The following CACNA2D3 variants were observed in gnomAD, a reference collection of about 807,000 sequenced individuals.
CACNA2D3 encodes voltage-dependent calcium channel subunit alpha-2/delta-3.
Under a neutral mutation model 160.6 loss-of-function variants are expected in CACNA2D3, and 60 were observed. That is an observed-to-expected ratio of 0.37 (90% CI 0.30 to 0.46). The LOEUF (loss-of-function observed/expected upper bound fraction) is 0.46. CACNA2D3 is among the 20% of genes least tolerant of loss of function. The probability of loss-of-function intolerance (pLI) is 1.00; values close to 1 mark genes in which losing one functional copy is unlikely to be tolerated. For synonymous variants in CACNA2D3, 558 were observed against 492.9 expected, an observed-to-expected ratio of 1.13 and a Z score of -1.75; for missense variants, 1,205 against 1,365.0, an observed-to-expected ratio of 0.88 and a Z score of 1.85.
chr3:55,051,446 G>C (rs533395917), intron 35 of CACNA2D3, among the ~76,000 whole-genome samples: 6,328 of 151,744 alleles, frequency 0.042, 360 homozygotes, highest in African/African-American at 0.13. Context: ...CCCACTTGAG[G>C]AGGCAGTCTG....
intron 13 of CACNA2D3, among the ~76,000 whole-genome samples, chr3:54,812,976 T>A (rs1481145947): frequency 6.6e-6 from 1 of 152,226 alleles, no homozygotes. Flanking sequence ...CAGTGACTAT[T>A]TCTGTTATTG....
intron 32 of CACNA2D3, among the ~76,000 whole-genome samples, chr3:55,005,324 G>A (rs1281261426): frequency 6.6e-6 from 1 of 152,066 alleles, no homozygotes; most frequent in East Asian, 1.9e-4. Flanking sequence ...AAAAGCCACT[G>A]CTATATCAAC....
At chr3:55,057,733 C>T (rs1704399824) in intron 35 of CACNA2D3, among the ~76,000 whole-genome samples, 1 of 152,202 alleles carries the variant, frequency 6.6e-6, no homozygotes, top group Non-Finnish European at 1.5e-5. Flanking sequence ...AGTTGGCTTT[C>T]TGGCATACCC....
chr3:54,859,975 C>CACACACAA (rs1699254383), intron 17 of CACNA2D3, among the ~76,000 whole-genome samples: 1 of 134,466 alleles, frequency 7.4e-6, no homozygotes, highest in Admixed American at 7.2e-5. Context: ...AGTAGATGCA[C>CACACACAA]ACACACACAC....
intron 14 of CACNA2D3, among the ~76,000 whole-genome samples, chr3:54,832,737 C>T (rs1270643034): frequency 6.6e-6 from 1 of 152,248 alleles, no homozygotes; most frequent in Admixed American, 6.5e-5. Flanking sequence ...GCCATGTTAG[C>T]TTTTCTTTCT....
intron 11 of CACNA2D3, among the ~76,000 whole-genome samples, chr3:54,644,747 G>A (rs1236176857): frequency 6.6e-6 from 1 of 152,246 alleles, no homozygotes; most frequent in Non-Finnish European, 1.5e-5. Flanking sequence ...TTCTGATGCA[G>A]TAGATCTGAG....
chr3:54,831,587 A>T (rs1703878562), intron 14 of CACNA2D3, among the ~76,000 whole-genome samples: 1 of 152,250 alleles, frequency 6.6e-6, no homozygotes, highest in South Asian at 2.1e-4. Flanking sequence ...ATAGTCTTTT[A>T]TACCATCATA....
intron 13 of CACNA2D3, among the ~76,000 whole-genome samples, chr3:54,796,822 A>C (rs924841949): frequency 2.0e-5 from 3 of 152,152 alleles, no homozygotes. Context: ...TACGTTTTTC[A>C]TAGGAGTAAG....
In CACNA2D3 at chr3:54,261,912, A is replaced by G. The variant is rs142531613; in HGVS notation, c.205-58530A>G. ...CCCATACTTCCCCCACTGGAATTGCACAGACCCCCCCATGGTGCCTGACTA... is the reference window on the plus strand; with the variant it reads ...CCCATACTTCCCCCACTGGAATTGCGCAGACCCCCCCATGGTGCCTGACTA... On this transcript the variant is annotated intron_variant, in intron 2 of 37. Coordinates refer to ENST00000474759, the MANE Select transcript of CACNA2D3 (RefSeq NM_018398.3). 3.3e-3 allele frequency among the ~76,000 whole-genome samples: 507 copies of G among 152,254 alleles called. 14 individuals are homozygous for G. Among genetic ancestry groups the G allele is most frequent in the Admixed American group, 0.027 (412 of 15,294 alleles).
intron 27 of CACNA2D3, among the ~76,000 whole-genome samples, chr3:54,912,376 C>T (rs1357928203): frequency 1.3e-5 from 2 of 152,134 alleles, no homozygotes; most frequent in African/African-American, 4.8e-5. Flanking sequence ...CCTAAAAGCA[C>T]CTGCCACAAC....
intron 2 of CACNA2D3, among the ~76,000 whole-genome samples, chr3:54,192,708 G>A (rs759676525): frequency 6.6e-6 from 1 of 151,726 alleles, no homozygotes; most frequent in Admixed American, 6.6e-5. Context: ...GTGTATTCAC[G>A]CCATGCTGCT....
intron 11 of CACNA2D3, among the ~76,000 whole-genome samples, chr3:54,712,027 C>A (rs1213755077): frequency 1.3e-5 from 2 of 152,120 alleles, no homozygotes; most frequent in East Asian, 1.9e-4. Context: ...GGGGAGAAGG[C>A]CTACTATTAT....
chr3:54,458,397 T>G (rs1046291144), intron 4 of CACNA2D3, among the ~76,000 whole-genome samples: 8 of 152,110 alleles, frequency 5.3e-5, no homozygotes, highest in African/African-American at 1.7e-4. Context: ...CTGAGAAAAC[T>G]TTATTTCTCT....
intron 15 of CACNA2D3, among the ~76,000 whole-genome samples, chr3:54,837,513 C>T (rs1164518659): frequency 2.6e-5 from 4 of 152,126 alleles, no homozygotes; most frequent in African/African-American, 7.2e-5. Flanking sequence ...ACTGACCACT[C>T]TCATTTATAG....
At chr3:54,602,737 A>G (rs997277563) in intron 9 of CACNA2D3, among the ~76,000 whole-genome samples, 2 of 152,152 alleles carry the variant, frequency 1.3e-5, no homozygotes, top group African/African-American at 2.4e-5. Context: ...AGAGTCCTGA[A>G]TTATGATAGA....
intron 2 of CACNA2D3, among the ~76,000 whole-genome samples, chr3:54,183,880 C>T (rs1459140768): frequency 1.1e-4 from 13 of 113,646 alleles, no homozygotes; most frequent in Non-Finnish European, 2.1e-4. Flanking sequence ...AGCGAAACTC[C>T]GTCTCAAAAA....
At chr3:54,883,531 C>G (rs1228473304) in intron 21 of CACNA2D3, among the ~76,000 whole-genome samples, 1 of 152,128 alleles carries the variant, frequency 6.6e-6, no homozygotes, top group Non-Finnish European at 1.5e-5. Flanking sequence ...CGATAGATCT[C>G]ATCTTTTCTG....
Position 54,294,719 on chromosome 3 carries a change from G to T in CACNA2D3, c.205-25723G>T, listed in dbSNP as rs367930160. Among the ~76,000 whole-genome samples, 114 of 152,274 alleles carry T rather than the reference G, an allele frequency of 7.5e-4. 2 individuals are homozygous for T. The South Asian group carries it at 0.022, about 29-fold the overall frequency. On this transcript the variant is annotated intron_variant, in intron 2 of 37. Transcript: ENST00000474759. ...CACATCACCTTGACGGGCATTTCCA[G>T]TGCAGGGTGGTGCTAGTTTAGGGAA... is the stretch of plus-strand genomic sequence containing the variant.
intron 13 of CACNA2D3, among the ~76,000 whole-genome samples, chr3:54,806,392 A>C (rs1052139165): frequency 6.6e-6 from 1 of 152,320 alleles, no homozygotes; most frequent in African/African-American, 2.4e-5. Flanking sequence ...AATCACAAGC[A>C]TTCTTATACA....
Sources: gnomAD v4.1 joint callset for allele counts (sites outside exome capture counted in the v4.1 genomes callset) on GRCh38, gnomAD v4.1.1 for gene constraint, MANE v1.5 for transcripts, NCBI Gene and HGNC (gene_info 2026-07-23, HGNC 2026-07-21) for gene names.